CTNNA3: variants seen among roughly 807,000 people sequenced by gnomAD.
CTNNA3 encodes catenin alpha 3, also known as catenin alpha-3.
CTNNA3 carries 76 observed loss-of-function variants against 95.7 expected under a neutral mutation model. That is an observed-to-expected ratio of 0.79 (90% CI 0.66 to 0.96). The LOEUF (loss-of-function observed/expected upper bound fraction) is 0.96. CTNNA3 is among the 40% of genes least tolerant of loss of function. CTNNA3 has a pLI of 0.00. For synonymous variants in CTNNA3, 431 were observed against 374.4 expected, an observed-to-expected ratio of 1.15 and a Z score of -1.74; for missense variants, 1,191 against 1,089.8, an observed-to-expected ratio of 1.09 and a Z score of -1.31.
chr10:67,580,791 T>TTCCTAGGTA (rs1842365111), intron 3 of CTNNA3, among the ~76,000 whole-genome samples: 1 of 152,164 alleles, frequency 6.6e-6, no homozygotes, highest in African/African-American at 2.4e-5. Flanking sequence ...GTAAGTTGGA[T>TTCCTAGGTA]TCCTAGGTAT....
At chr10:65,980,462 ATCC>A (rs1265353872) in intron 16 of CTNNA3, among the ~76,000 whole-genome samples, 1 of 151,858 alleles carries the variant, frequency 6.6e-6, no homozygotes, top group Non-Finnish European at 1.5e-5. Context: ...GAAAGAGGAA[ATCC>A]TCCTTAAATC....
intron 13 of CTNNA3, among the ~76,000 whole-genome samples, chr10:66,208,648 G>A (rs2087920861): frequency 6.6e-6 from 1 of 152,078 alleles, no homozygotes. Context: ...TTATAAATGG[G>A]TAGAAAGTAA....
At chr10:67,025,576 T>A (rs1412000919) in intron 7 of CTNNA3, among the ~76,000 whole-genome samples, 1 of 152,174 alleles carries the variant, frequency 6.6e-6, no homozygotes, top group Admixed American at 6.5e-5. Context: ...TTACTGAGAA[T>A]AGCTCGGTTT....
chr10:66,618,782 A>C (rs547126189), intron 10 of CTNNA3, among the ~76,000 whole-genome samples: 154 of 152,154 alleles, frequency 1.0e-3, no homozygotes, highest in African/African-American at 3.6e-3. Flanking sequence ...CAACCTACAA[A>C]ATGGGAGAAA....
At chr10:66,638,956 T>A (rs1232110644) in intron 9 of CTNNA3, among the ~76,000 whole-genome samples, 2 of 152,198 alleles carry the variant, frequency 1.3e-5, no homozygotes, top group Non-Finnish European at 2.9e-5. Context: ...TTTTTTTTAA[T>A]CTTTGCACTT....
intron 13 of CTNNA3, among the ~76,000 whole-genome samples, chr10:66,150,471 AT>A (rs1432092695): frequency 2.0e-5 from 3 of 152,168 alleles, no homozygotes; most frequent in South Asian, 4.1e-4. Flanking sequence ...TTTTAAAAAA[AT>A]AGCTTAATTT....
At chr10:66,438,345 A>C (rs2093352343) in intron 11 of CTNNA3, among the ~76,000 whole-genome samples, 6 of 152,126 alleles carry the variant, frequency 3.9e-5, no homozygotes, top group Admixed American at 3.9e-4. Context: ...TGAGAGTTTT[A>C]TTTATAAGCC....
At chr10:67,560,603 C>A (rs1330657132) in intron 3 of CTNNA3, among the ~76,000 whole-genome samples, 2 of 152,172 alleles carry the variant, frequency 1.3e-5, no homozygotes, top group East Asian at 3.9e-4. Context: ...AGGCAGCTAA[C>A]ATCATAATGA....
At chr10:66,436,140 A>G (rs1205554979) in intron 11 of CTNNA3, among the ~76,000 whole-genome samples, 3 of 152,184 alleles carry the variant, frequency 2.0e-5, no homozygotes, top group Non-Finnish European at 2.9e-5. Flanking sequence ...GCTGAGAAGA[A>G]TGTATATTCT....
At chr10:66,417,456 A>ATTT in intron 11 of CTNNA3, among the ~76,000 whole-genome samples, 1 of 152,076 alleles carries the variant, frequency 6.6e-6, no homozygotes, top group African/African-American at 2.4e-5. Context: ...TATTCTCAGC[A>ATTT]CTAGACAGAT....
intron 7 of CTNNA3, among the ~76,000 whole-genome samples, chr10:67,106,931 A>G (rs887290146): frequency 6.6e-6 from 1 of 152,208 alleles, no homozygotes; most frequent in Non-Finnish European, 1.5e-5. Context: ...GCAAAGAGAA[A>G]AGACATCCAT....
At chr10:66,622,968 G>A (rs1414302397) in intron 9 of CTNNA3, among the ~76,000 whole-genome samples, 1 of 152,060 alleles carries the variant, frequency 6.6e-6, no homozygotes, top group Admixed American at 6.6e-5. Context: ...ATTTAACTGT[G>A]GAAGGGCATT....
chr10:67,384,381 C>G (rs1184711303), intron 5 of CTNNA3, among the ~76,000 whole-genome samples: 1 of 152,066 alleles, frequency 6.6e-6, no homozygotes, highest in African/African-American at 2.4e-5. Context: ...TTCTCCAAAC[C>G]TCTTTTAAAA....
intron 5 of CTNNA3, among the ~76,000 whole-genome samples, chr10:67,495,527 A>C (rs2133088926): frequency 6.6e-6 from 1 of 152,314 alleles, no homozygotes; most frequent in South Asian, 2.1e-4. Flanking sequence ...ATGGGCGGGT[A>C]GTGGCAGACA....
chr10:67,587,033 T>G (rs541046150), intron 3 of CTNNA3, among the ~76,000 whole-genome samples: 1 of 152,160 alleles, frequency 6.6e-6, no homozygotes, highest in African/African-American at 2.4e-5. Context: ...TAGTACTCTC[T>G]TTTTTGTGTG....
At chr10:66,566,580 A>T (rs1368435110) in intron 10 of CTNNA3, among the ~76,000 whole-genome samples, 1 of 139,552 alleles carries the variant, frequency 7.2e-6, no homozygotes, top group Non-Finnish European at 1.7e-5. Flanking sequence ...GTTTTTGACT[A>T]GTTGACACAT....
rs78360655 is a variant in CTNNA3 at position 66,219,439 on chromosome 10, A to T, written c.1884+61031T>A. On this transcript the variant is annotated intron_variant, in intron 13 of 17. Coordinates refer to ENST00000433211, the MANE Select transcript of CTNNA3 (RefSeq NM_013266.4). The stretch of plus-strand genomic sequence containing the variant: ...AATAGAATATGACTGAAGTAATAGT[A>T]TAGTGTGTCACTGCTGAGATTCAGT... Among the ~76,000 whole-genome samples, 57 of 152,274 alleles carry T rather than the reference A, an allele frequency of 3.7e-4. No individual in the cohort carries two copies. The East Asian group carries it at 6.6e-3, about 18-fold the overall frequency.
chr10:65,985,732 C>T (rs2078414165), intron 16 of CTNNA3, among the ~76,000 whole-genome samples: 1 of 151,482 alleles, frequency 6.6e-6, no homozygotes, highest in Non-Finnish European at 1.5e-5. Context: ...AGGCTGCCTA[C>T]TGTCACCATT....
chr10:66,421,834 C>T (rs1239512972), intron 11 of CTNNA3, among the ~76,000 whole-genome samples: 1 of 81,524 alleles, frequency 1.2e-5, no homozygotes, highest in Non-Finnish European at 2.6e-5. Context: ...GACTCTGTCT[C>T]AAAAAAAAAA....
Sources: allele counts gnomAD v4.1 joint callset (sites outside exome capture counted in the v4.1 genomes callset), GRCh38; gene constraint gnomAD v4.1.1; transcripts MANE v1.5; gene names NCBI Gene and HGNC (gene_info 2026-07-23, HGNC 2026-07-21).